The following CFAP299 variants were observed in gnomAD, a reference collection of about 807,000 sequenced individuals.
CFAP299 encodes cilia- and flagella-associated protein 299.
In CFAP299, 21 loss-of-function variants were observed where a neutral mutation model predicts 27.0. That is an observed-to-expected ratio of 0.78 (90% CI 0.55 to 1.12). The LOEUF (loss-of-function observed/expected upper bound fraction) is 1.12. CFAP299 is among the 50% of genes most tolerant of loss of function. CFAP299 has a pLI of 0.00. For missense variants in CFAP299, 310 were observed against 276.6 expected (o/e 1.12, Z -0.86); for synonymous variants, 104 against 98.1 (o/e 1.06, Z -0.36).
intron 4 of CFAP299, among the ~76,000 whole-genome samples, chr4:80,889,632 G>A (rs1026025456): frequency 2.0e-5 from 3 of 152,010 alleles, no homozygotes; most frequent in African/African-American, 4.8e-5. Context: ...TACAAAGCCA[G>A]CATTACCCTA....
intron 2 of CFAP299, among the ~76,000 whole-genome samples, chr4:80,461,813 T>C (rs772482274): frequency 6.6e-6 from 1 of 152,172 alleles, no homozygotes; most frequent in African/African-American, 2.4e-5. Context: ...TGCACTTCAC[T>C]ATGAACTTCC....
chr4:80,472,729 A>C (rs1356338813), intron 2 of CFAP299, among the ~76,000 whole-genome samples: 1 of 152,158 alleles, frequency 6.6e-6, no homozygotes, highest in Non-Finnish European at 1.5e-5. Flanking sequence ...CCCTCCCCCT[A>C]GCAACCTCCA....
chr4:80,657,425 CAGT>C (rs1466228513), intron 3 of CFAP299, among the ~76,000 whole-genome samples: 1 of 152,062 alleles, frequency 6.6e-6, no homozygotes, highest in Non-Finnish European at 1.5e-5. Context: ...GGAAGGGGTC[CAGT>C]TTCAGTTTTC....
At chr4:80,505,675 C>T (rs568072391) in intron 2 of CFAP299, among the ~76,000 whole-genome samples, 11 of 152,228 alleles carry the variant, frequency 7.2e-5, no homozygotes, top group Non-Finnish European at 1.5e-4. Context: ...AATAGCTCCT[C>T]TCTAATAGGA....
Position 80,866,059 on chromosome 4 carries a change from T to TTATATATATATATATATATA in CFAP299, c.334-3916_334-3897dup, listed in dbSNP as rs70956073. 6.2e-3 allele frequency among the ~76,000 whole-genome samples: 359 copies of TTATATATATATATATATATA among 58,330 alleles called. 50 individuals are homozygous for TTATATATATATATATATATA. Among genetic ancestry groups the TTATATATATATATATATATA allele is most frequent in the Non-Finnish European group, 0.011 (250 of 22,314 alleles). The allele number at this position is 58,330 out of a possible 152,430, so 38.3% of individuals were successfully genotyped here. A position where few individuals can be genotyped will look rare whatever the true frequency, so the allele number is the denominator to read the frequency against. ...CTTGTGCACCGTAGAACTTAAAGTA[T>TTATATATATATATATATATA]TATATATATATATATATATATATAT... On this transcript the variant is annotated intron_variant, in intron 3 of 5. Coordinates refer to ENST00000358105, the MANE Select transcript of CFAP299 (RefSeq NM_152770.3).
intron 3 of CFAP299, among the ~76,000 whole-genome samples, chr4:80,654,175 T>A (rs945838313): frequency 2.0e-5 from 3 of 152,144 alleles, no homozygotes; most frequent in African/African-American, 4.8e-5. Flanking sequence ...ATAGTAGCAA[T>A]ACATTATTGA....
At chr4:80,516,679 G>C in intron 2 of CFAP299, among the ~76,000 whole-genome samples, 1 of 152,046 alleles carries the variant, frequency 6.6e-6, no homozygotes, top group Admixed American at 6.6e-5. Context: ...GCAGCATTAG[G>C]GATCACATTT....
chr4:80,810,104 T>C (rs1729070006), intron 3 of CFAP299, among the ~76,000 whole-genome samples: 1 of 152,142 alleles, frequency 6.6e-6, no homozygotes, highest in African/African-American at 2.4e-5. Flanking sequence ...TCTTGTTGTT[T>C]ATTGGAAGAA....
chr4:80,526,025 A>G (rs11933716), intron 2 of CFAP299, among the ~76,000 whole-genome samples: 30,807 of 152,128 alleles, frequency 0.2, 3,814 homozygotes, highest in African/African-American at 0.34. Flanking sequence ...TTGTACTCAT[A>G]TAAGAGACAT....
At chr4:80,773,687 T>A (rs189308091) in intron 3 of CFAP299, among the ~76,000 whole-genome samples, 6 of 152,170 alleles carry the variant, frequency 3.9e-5, no homozygotes, top group African/African-American at 7.2e-5. Context: ...GAAATGAAAA[T>A]TTTTTTGTAA....
chr4:80,505,470 G>T, intron 2 of CFAP299, among the ~76,000 whole-genome samples: 1 of 71,766 alleles, frequency 1.4e-5, no homozygotes, highest in African/African-American at 1.2e-4. Flanking sequence ...TATTTGTTTT[G>T]ACATAACAAC....
chr4:80,900,331 T>C (rs1376484109), intron 4 of CFAP299, among the ~76,000 whole-genome samples: 2 of 152,190 alleles, frequency 1.3e-5, no homozygotes, highest in African/African-American at 4.8e-5. Flanking sequence ...CTTATTATTT[T>C]ATGTTTTGTA....
At chr4:80,908,028 C>T (rs1356004146) in intron 4 of CFAP299, among the ~76,000 whole-genome samples, 3 of 152,186 alleles carry the variant, frequency 2.0e-5, no homozygotes, top group African/African-American at 4.8e-5. Flanking sequence ...TCGTCCATAA[C>T]ATTTTTCATC....
intron 4 of CFAP299, among the ~76,000 whole-genome samples, chr4:80,890,954 G>T (rs200097280): frequency 6.6e-6 from 1 of 151,240 alleles, no homozygotes; most frequent in African/African-American, 2.4e-5. Flanking sequence ...GTAGATTCTG[G>T]ATATTAGCCC....
At chr4:80,331,007 A>G (rs751625817), upstream of CFAP299, among the ~76,000 whole-genome samples, 3 of 152,250 alleles carry the variant, frequency 2.0e-5, no homozygotes, top group Non-Finnish European at 4.4e-5. Flanking sequence ...TATAATAATC[A>G]AGATATTGCA....
At chr4:80,429,344 C>T (rs920859762) in intron 2 of CFAP299, among the ~76,000 whole-genome samples, 1 of 152,098 alleles carries the variant, frequency 6.6e-6, no homozygotes, top group African/African-American at 2.4e-5. Flanking sequence ...TCATTGAGAA[C>T]AGAAATATTT....
At chr4:80,764,778 G>GTT (rs1376755183) in intron 3 of CFAP299, among the ~76,000 whole-genome samples, 1 of 152,162 alleles carries the variant, frequency 6.6e-6, no homozygotes, top group Non-Finnish European at 1.5e-5. Context: ...AAAAGGATGA[G>GTT]TTCATGCCCT....
intron 2 of CFAP299, among the ~76,000 whole-genome samples, chr4:80,418,259 C>T (rs961615150): frequency 6.6e-6 from 1 of 152,072 alleles, no homozygotes; most frequent in Non-Finnish European, 1.5e-5. Flanking sequence ...ACATCTGTCT[C>T]TGCTCTTCTG....
chr4:80,677,538 A>G (rs2110001187), intron 3 of CFAP299, among the ~76,000 whole-genome samples: 1 of 152,168 alleles, frequency 6.6e-6, no homozygotes, highest in Middle Eastern at 3.4e-3. Context: ...TTCAAAGATG[A>G]AAGAAAAAAA....
Sources: gnomAD v4.1 joint callset for allele counts (sites outside exome capture counted in the v4.1 genomes callset) on GRCh38, gnomAD v4.1.1 for gene constraint, MANE v1.5 for transcripts, NCBI Gene and HGNC (gene_info 2026-07-23, HGNC 2026-07-21) for gene names.